GNB1: variants seen among roughly 807,000 people sequenced by gnomAD.
GNB1 encodes the protein guanine nucleotide-binding protein G(I)/G(S)/G(T) subunit beta-1.
A neutral mutation model predicts 42.9 loss-of-function variants in GNB1; 2 were observed. That is an observed-to-expected ratio of 0.05 (90% confidence interval 0.02 to 0.15). GNB1 has a LOEUF of 0.15. Ranked by LOEUF, GNB1 falls within the 10% of genes least tolerant of loss-of-function variation. GNB1 has a pLI of 1.00. For synonymous variants in GNB1, 183 were observed against 174.7 expected, an observed-to-expected ratio of 1.05 and a Z score of -0.38; for missense variants, 193 against 462.2, an observed-to-expected ratio of 0.42 and a Z score of 5.34.
intron 1 of GNB1, among the ~76,000 whole-genome samples, chr1:1,860,241 C>G (rs1416408669): frequency 2.0e-5 from 3 of 151,954 alleles, no homozygotes; most frequent in African/African-American, 7.3e-5. Context: ...GACTTGTGGA[C>G]ATAAAGATGG....
At chr1:1,838,589 C>T (rs779193826) in intron 2 of GNB1, among the ~76,000 whole-genome samples, 1 of 151,922 alleles carries the variant, frequency 6.6e-6, no homozygotes, top group Admixed American at 6.6e-5. Flanking sequence ...GGACTACAGG[C>T]GCCCACCACC....
In GNB1 at chr1:1,789,207, G is replaced by A. The variant is rs865847609; in HGVS notation, c.762C>T (p.Asp254=). 1 of 1,613,696 alleles carries A rather than the reference G, an allele frequency of 6.2e-7. No individual in the cohort carries two copies. Among genetic ancestry groups the A allele is most frequent in the East Asian group, 2.2e-5 (1 of 44,870 alleles). ...GSDDATCRLF[D]LRADQELMTY... ...TCATGAGCTCCTGGTCAGCACGAAG[G>A]TCAAACAGCCTGCAGGTGGCGTCGT... is the stretch of plus-strand genomic sequence containing the variant. The change falls in exon 10 of 12, where the codon GAC becomes GAT. Residue 254 remains aspartate, a synonymous_variant. Transcript: ENST00000378609.
chr1:1,861,963 G>C (rs1404783210), intron 1 of GNB1, among the ~76,000 whole-genome samples: 4 of 152,128 alleles, frequency 2.6e-5, no homozygotes, highest in Non-Finnish European at 5.9e-5. Flanking sequence ...CTACTCGGGA[G>C]GCTGAGGCAA....
rs766426530 is a variant in GNB1 at position 1,790,395 on chromosome 1, G to A, written c.699C>T (p.Cys233=). 16 of 1,608,048 alleles carry A rather than the reference G, an allele frequency of 9.9e-6. No homozygotes were observed. Among genetic ancestry groups the A allele is most frequent in the Middle Eastern group, 1.6e-4 (1 of 6,076 alleles). The change falls in exon 9 of 12, where the codon TGC becomes TGT. Residue 233 remains cysteine, a splice_region_variant and synonymous_variant. Coordinates refer to ENST00000378609, the MANE Select transcript of GNB1 (RefSeq NM_002074.5). The surrounding 1 kb of genome is among the most constrained non-coding windows in gnomAD (Gnocchi z 5.4). The part of the protein sequence containing the change: ...TGHESDINAI[C]FFPNGNAFAT... ...ACCCCACACCTCCACCCAGACTCAC[G>A]CAAATGGCATTGATGTCAGACTCGT... is the stretch of plus-strand genomic sequence containing the variant.
intron 1 of GNB1, among the ~76,000 whole-genome samples, chr1:1,853,514 T>C (rs1472474208): frequency 6.6e-6 from 1 of 152,076 alleles, no homozygotes; most frequent in East Asian, 1.9e-4. Context: ...CCTCAAAGAA[T>C]GAGAGCCAAT....
At chr1:1,845,513 C>T (rs1356465173) in intron 1 of GNB1, among the ~76,000 whole-genome samples, 1 of 152,084 alleles carries the variant, frequency 6.6e-6, no homozygotes, top group Non-Finnish European at 1.5e-5. Flanking sequence ...GCGGAGCTTG[C>T]AGTGAGCCGA....
chr1:1,884,979 G>A lies in GNB1; in HGVS notation c.-96+5841C>T, dbSNP rs142976628. ...ATTACAGGCATGAGCCACCGTGCCC[G>A]GCCAGTATTCCAATTCTAACAGGTG... On this transcript the variant is annotated intron_variant, in intron 1 of 11. Coordinates refer to ENST00000378609, the MANE Select transcript of GNB1 (RefSeq NM_002074.5). Among the ~76,000 whole-genome samples the A allele has an allele frequency of 9.2e-4, 140 of 151,820 alleles. 2 individuals are homozygous for A. The East Asian group carries it at 0.025, about 27-fold the overall frequency.
At chr1:1,841,410 C>T (rs1239182051) in intron 1 of GNB1, among the ~76,000 whole-genome samples, 2 of 152,172 alleles carry the variant, frequency 1.3e-5, no homozygotes, top group Non-Finnish European at 2.9e-5. Context: ...AAACTCCTGA[C>T]CTCAGGTAAT....
At chr1:1,889,575 G>A (rs187176449) in intron 1 of GNB1, among the ~76,000 whole-genome samples, 8 of 151,916 alleles carry the variant, frequency 5.3e-5, no homozygotes, top group Non-Finnish European at 1.2e-4. Flanking sequence ...ACTTTGGGAG[G>A]CTGAGGCGGG....
In GNB1 at chr1:1,876,940, C is replaced by A. The variant is rs76829720; in HGVS notation, c.-96+13880G>T. Among the ~76,000 whole-genome samples, 1,278 of 152,216 alleles carry A rather than the reference C, an allele frequency of 8.4e-3. 22 individuals carry two copies. The highest frequency in any genetic ancestry group is 0.03 in the African/African-American group (1,227 of 41,542). On this transcript the variant is annotated intron_variant, in intron 1 of 11. Coordinates refer to ENST00000378609, the MANE Select transcript of GNB1 (RefSeq NM_002074.5). ...ACCACTGATATCTACATAATTACTA[C>A]TCATGTTTTCCAAGATGAATGACAT...
chr1:1,821,668 G>A lies in GNB1; in HGVS notation c.57+3729C>T, dbSNP rs1646931460. Among the ~76,000 whole-genome samples the A allele has an allele frequency of 2.0e-5, 3 of 152,238 alleles. No homozygotes were observed. The South Asian group carries it at 6.2e-4, about 32-fold the overall frequency. On this transcript the variant is annotated intron_variant, in intron 3 of 11. Transcript: ENST00000378609. ...CGGTTCCTGGTACTTCGGAGACAAA[G>A]CAGCTAGGCGCCTCTCCTAGTGAAC...
chr1:1,861,909 C>T (rs187212881), intron 1 of GNB1, among the ~76,000 whole-genome samples: 1 of 152,234 alleles, frequency 6.6e-6, no homozygotes, highest in Admixed American at 6.5e-5. Context: ...ACTCTTTAAA[C>T]CTCAAGGGAG....
intron 7 of GNB1, among the ~76,000 whole-genome samples, chr1:1,803,597 C>G (rs1425031317): frequency 1.3e-5 from 2 of 152,184 alleles, no homozygotes; most frequent in African/African-American, 4.8e-5. Flanking sequence ...CCACAGGTTT[C>G]TTACTGGTAA....
chr1:1,841,826 T>C (rs1229865513), intron 1 of GNB1, among the ~76,000 whole-genome samples: 3 of 152,138 alleles, frequency 2.0e-5, no homozygotes, highest in African/African-American at 7.2e-5. Context: ...AATTACCCCA[T>C]AACCCAGCAA....
chr1:1,823,581 A>G (rs1011381363), intron 3 of GNB1, among the ~76,000 whole-genome samples: 22 of 152,214 alleles, frequency 1.4e-4, no homozygotes, highest in African/African-American at 5.3e-4. Context: ...TGATCAGAGC[A>G]AACTATTAAA....
intron 7 of GNB1, among the ~76,000 whole-genome samples, chr1:1,803,175 G>A (rs1646648700): frequency 6.6e-6 from 1 of 152,176 alleles, no homozygotes; most frequent in Non-Finnish European, 1.5e-5. Flanking sequence ...AGCCAGAGAG[G>A]TAAAATATTA....
In GNB1 at chr1:1,790,306, A is replaced by C. The variant is rs1199263721; in HGVS notation, c.699+89T>G. The stretch of plus-strand genomic sequence containing the variant: ...TTGTATAAGGATCAGAAAGGAGAAC[A>C]TCTAATCCAGAAAAGTTTAAAATTT... On this transcript the variant is annotated intron_variant, in intron 9 of 11. Coordinates refer to ENST00000378609, the MANE Select transcript of GNB1 (RefSeq NM_002074.5). The surrounding 1 kb of genome is among the most constrained non-coding windows in gnomAD (Gnocchi z 5.4). The C allele has an allele frequency of 1.2e-6, 1 of 865,594 alleles. No homozygotes were observed. Among genetic ancestry groups the C allele is most frequent in the African/African-American group, 1.7e-5 (1 of 60,522 alleles). 53.6% of individuals were successfully genotyped at this position (865,594 alleles called of 1,614,324 possible).
At chr1:1,838,704 A>T (rs1483279142) in intron 2 of GNB1, among the ~76,000 whole-genome samples, 1 of 151,676 alleles carries the variant, frequency 6.6e-6, no homozygotes, top group Non-Finnish European at 1.5e-5. Context: ...CTGACCTCCC[A>T]AAGTGCTGGG....
At chr1:1,797,154 G>A (rs988037087) in intron 7 of GNB1, among the ~76,000 whole-genome samples, 3 of 152,154 alleles carry the variant, frequency 2.0e-5, no homozygotes, top group East Asian at 1.9e-4. Flanking sequence ...AGAACGGGAC[G>A]ATGGGCTTGA....
Sources: allele counts gnomAD v4.1 joint callset (sites outside exome capture counted in the v4.1 genomes callset), GRCh38; gene constraint gnomAD v4.1.1; non-coding constraint Gnocchi (gnomAD v3.1); transcripts MANE v1.5; gene names NCBI Gene and HGNC (gene_info 2026-07-23, HGNC 2026-07-21).